The following FNBP4 variants were observed in gnomAD, a reference collection of about 807,000 sequenced individuals.
The protein encoded by FNBP4 is formin binding protein 4, also known as formin-binding protein 4.
In FNBP4, 34 loss-of-function variants were observed where a neutral mutation model predicts 119.3. The observed-to-expected ratio is 0.28, with a 90% CI of 0.22 to 0.38. FNBP4 has a LOEUF of 0.38. FNBP4 is among the 10% of genes least tolerant of loss of function. FNBP4 has a pLI of 1.00. For missense variants in FNBP4, 1,112 were observed against 1,228.9 expected, an observed-to-expected ratio of 0.90 and a Z score of 1.42; for synonymous variants, 462 against 430.6, an observed-to-expected ratio of 1.07 and a Z score of -0.90.
intron 3 of FNBP4, 137 bp downstream of exon 3, chr11:47,754,391 G>C: frequency 1.2e-6 from 1 of 824,318 alleles, no homozygotes; most frequent in Non-Finnish European, 1.9e-6. Flanking sequence ...TAGAGATCGG[G>C]AGAAATACAA....
chr11:47,759,163 G>A (rs762478691), intron 2 of FNBP4, among the ~76,000 whole-genome samples: 7 of 150,868 alleles, frequency 4.6e-5, no homozygotes, highest in Non-Finnish European at 8.8e-5. Flanking sequence ...CAAGTGATCT[G>A]CCCTTTTTGG....
chr11:47,736,980 A>C (rs10838754), intron 8 of FNBP4, among the ~76,000 whole-genome samples: 52,672 of 151,742 alleles, frequency 0.35, 10,531 homozygotes, highest in South Asian at 0.52. Flanking sequence ...TGGAGGTGAA[A>C]AGATCACGAG....
At chr11:47,759,422 C>T (rs886253078) in intron 2 of FNBP4, among the ~76,000 whole-genome samples, 6 of 151,694 alleles carry the variant, frequency 4.0e-5, no homozygotes, top group African/African-American at 1.5e-4. Context: ...CCATGTTGGC[C>T]AGGCTGCTCT....
Position 47,723,168 on chromosome 11 carries a change from A to C in FNBP4, c.2613T>G (p.Ile871Met). 6.2e-7 allele frequency: 1 copy of C among 1,614,008 alleles called. No individual in the cohort carries two copies. The highest frequency in any genetic ancestry group is 1.1e-5 in the South Asian group (1 of 91,076). ...NYLGLAAAPA[I>M]MSYAECSVPI... ...GGACAGAACATTCTGCATAACTCAT[A>C]ATTGCAGGTGCTGCCGCTAGTCCAA... The change falls in exon 15 of 17, where the codon ATT becomes ATG. Residue 871 changes from isoleucine (I) to methionine (M), a missense_variant. Physicochemically the swap from Ile to Met is conservative, Grantham distance 10. This residue lies in a region of FNBP4 where 826 missense variants were observed against 988.8 expected (regional missense o/e 0.84). Coordinates refer to ENST00000263773, the MANE Select transcript of FNBP4 (RefSeq NM_015308.5).
At chr11:47,733,976 A>C (rs759285590) in intron 10 of FNBP4, 49 bp downstream of exon 10, 1 of 954,688 alleles carries the variant, frequency 1.0e-6, no homozygotes, top group Non-Finnish European at 1.5e-6. Context: ...ACAGCATTTC[A>C]TTCAAACACT....
Position 47,767,338 on chromosome 11 carries a change from C to G in FNBP4, c.-50G>C. ...GCGTCGGGCGGCCGAGAGGGGCGGG[C>G]ACTGGAGGCTGGGCGCTGGGCCCTG... is the stretch of plus-strand genomic sequence containing the variant. On this transcript the variant is annotated 5_prime_UTR_variant, in exon 1 of 17. Transcript: ENST00000263773. The G allele has an allele frequency of 3.5e-6, 5 of 1,420,866 alleles. No individual in the cohort carries two copies. The South Asian group carries it at 7.3e-5, about 21-fold the overall frequency. The allele number at this position is 1,420,866 out of a possible 1,614,324, so 88.0% of individuals were successfully genotyped here. A position where few individuals can be genotyped will look rare whatever the true frequency, so the allele number is the denominator to read the frequency against.
chr11:47,732,558 C>T lies in FNBP4; in HGVS notation c.1799G>A (p.Gly600Asp), dbSNP rs532140997. ...GTACCTGTCCCAGTGGCAGGACCAG[C>T]CTTTAGGAGTGGCGTTTATTTCATA... ...KQYEINATPK[G>D]WSCHWDRDHR... The change falls in exon 11 of 17, where the codon GGC (glycine) becomes GAC (aspartate). Residue 600 changes from glycine (G) to aspartate (D), a missense_variant. Gly to Asp is a moderately conservative substitution (Grantham distance 94). Transcript: ENST00000263773. The surrounding 1 kb of genome is among the most constrained non-coding windows in gnomAD (Gnocchi z 4.2). The T allele has an allele frequency of 3.7e-6, 6 of 1,614,134 alleles. No individual in the cohort carries two copies. In the African/African-American group the frequency reaches 8.0e-5, roughly 22 times the overall value.
chr11:47,751,188 T>C lies in FNBP4; in HGVS notation c.740A>G (p.Gln247Arg). Residue 247 changes from glutamine (Q) to arginine (R), a missense_variant, in exon 5 of 17, where the codon CAA becomes CGA. Physicochemically the swap from Gln to Arg is conservative, Grantham distance 43. Transcript: ENST00000263773. ...QTNEVTWELPQYLATQVQGLQ... is the reference protein window; with the variant it reads ...QTNEVTWELPRYLATQVQGLQ... ...TCCCTGTACCTGTGTGGCAAGATAT[T>C]GGGGTAACTCCCAAGTCACTTCATT... The C allele has an allele frequency of 6.2e-7, 1 of 1,614,190 alleles. No homozygotes were observed. The highest frequency in any genetic ancestry group is 8.5e-7 in the Non-Finnish European group (1 of 1,180,038).
At position 47,765,315 on chromosome 11, in the gene FNBP4, G is replaced by A; in HGVS notation, c.268C>T (p.Pro90Ser). The A allele has an allele frequency of 6.2e-7, 1 of 1,611,816 alleles. No individual in the cohort carries two copies. Among genetic ancestry groups the A allele is most frequent in the Non-Finnish European group, 8.5e-7 (1 of 1,179,476 alleles). The stretch of plus-strand genomic sequence containing the variant: ...GGTCTAGTGGTCATGACTGGTTTTG[G>A]AGGATTCTGAACAACTCTAGGAACC... ...QEVPRVVQNP[P>S]KPVMTTRPTA... Residue 90 changes from proline (P) to serine (S), a missense_variant, in exon 2 of 17, where the codon CCA (proline) becomes TCA (serine). Coordinates refer to ENST00000263773, the MANE Select transcript of FNBP4 (RefSeq NM_015308.5).
At chr11:47,765,883 C>G (rs745578023) in intron 1 of FNBP4, among the ~76,000 whole-genome samples, 1 of 69,832 alleles carries the variant, frequency 1.4e-5, no homozygotes, top group Non-Finnish European at 2.7e-5. Context: ...GACGGAGTTT[C>G]GCTCTTGTCG....
chr11:47,765,177 A>G, intron 2 of FNBP4, 93 bp downstream of exon 2: 1 of 782,616 alleles, frequency 1.3e-6, no homozygotes, highest in Non-Finnish European at 2.2e-6. Flanking sequence ...TAGCAACACT[A>G]AAGCATTCAG....
chr11:47,739,234 A>G (rs1387245892), intron 8 of FNBP4, among the ~76,000 whole-genome samples: 2 of 151,844 alleles, frequency 1.3e-5, no homozygotes, highest in Non-Finnish European at 2.9e-5. Context: ...CCGGCCTAAA[A>G]CTTTTTATTA....
Position 47,731,526 on chromosome 11 carries a change from G to A in FNBP4, c.1856C>T (p.Ser619Leu), listed in dbSNP as rs768346504. Residue 619 changes from serine to leucine, a missense_variant, in exon 12 of 17, where the codon TCG becomes TTG. This residue lies in a region of FNBP4 where 826 missense variants were observed against 988.8 expected (regional missense o/e 0.84). Coordinates refer to ENST00000263773, the MANE Select transcript of FNBP4 (RefSeq NM_015308.5). ...HRRYFYVNEQ[S>L]GESQWEFPDG... Reference sequence around the variant, plus strand: ...TGGAAACTCCCACTGAGACTCGCCCGACTGTTCGTTTACATAGAAATACCG... The same window carrying A: ...TGGAAACTCCCACTGAGACTCGCCCAACTGTTCGTTTACATAGAAATACCG... The A allele has an allele frequency of 1.2e-6, 2 of 1,612,024 alleles. No individual in the cohort carries two copies. Among genetic ancestry groups the A allele is most frequent in the Non-Finnish European group, 1.7e-6 (2 of 1,179,448 alleles).
chr11:47,722,029 A>G (rs1296601534), intron 15 of FNBP4, among the ~76,000 whole-genome samples: 9 of 56,412 alleles, frequency 1.6e-4, no homozygotes, highest in African/African-American at 1.1e-3. Flanking sequence ...AAAAAAAAAA[A>G]AAAAAAAAAA....
Position 47,723,284 on chromosome 11 carries a change from T to G in FNBP4, c.2497A>C (p.Thr833Pro), listed in dbSNP as rs374125956. 6.2e-7 allele frequency: 1 copy of G among 1,612,210 alleles called. No homozygotes were observed. The highest frequency in any genetic ancestry group is 8.5e-7 in the Non-Finnish European group (1 of 1,178,476). Residue 833 changes from threonine to proline, a missense_variant, in exon 15 of 17, where the codon ACA (threonine) becomes CCA (proline). Physicochemically the swap from Thr to Pro is conservative, Grantham distance 38. Transcript: ENST00000263773. ...HQAAGIGNQA[T>P]GIGHQTIPVS... ...GGTATTGTCTGATGTCCAATTCCTG[T>G]TGCCTGGTTTCCAATCCCTGCTGCC...
At position 47,741,963 on chromosome 11, in the gene FNBP4, A is replaced by G. The variant is rs370049397; in HGVS notation, c.1456+1990T>C. Among the ~76,000 whole-genome samples the G allele has an allele frequency of 2.7e-4, 40 of 150,602 alleles. No homozygotes were observed. In the East Asian group the frequency reaches 4.3e-3, roughly 16 times the overall value. ...GGACACAATTTAAATGTCCATCAACAGTGGGCAGAGTTAAATACGCACATC... is the reference window on the plus strand; with the variant it reads ...GGACACAATTTAAATGTCCATCAACGGTGGGCAGAGTTAAATACGCACATC... On this transcript the variant is annotated intron_variant, in intron 8 of 16. Coordinates refer to ENST00000263773, the MANE Select transcript of FNBP4 (RefSeq NM_015308.5).
At chr11:47,746,717 T>C (rs966797694) in intron 6 of FNBP4, among the ~76,000 whole-genome samples, 3 of 152,088 alleles carry the variant, frequency 2.0e-5, no homozygotes, top group African/African-American at 7.2e-5. Flanking sequence ...TTCACCACGT[T>C]GGCCAGGCTG....
At chr11:47,738,113 G>A (rs1480298227) in intron 8 of FNBP4, among the ~76,000 whole-genome samples, 5 of 152,094 alleles carry the variant, frequency 3.3e-5, no homozygotes, top group Non-Finnish European at 7.4e-5. Context: ...CATCTATATT[G>A]AATCCACCTA....
chr11:47,737,541 C>T (rs1156585358), intron 8 of FNBP4, among the ~76,000 whole-genome samples: 5 of 151,208 alleles, frequency 3.3e-5, no homozygotes, highest in East Asian at 3.9e-4. Context: ...CTAGGCTCAA[C>T]GGATCCTCCC....
Sources: allele counts gnomAD v4.1 joint callset (sites outside exome capture counted in the v4.1 genomes callset), GRCh38; gene constraint gnomAD v4.1.1; regional missense constraint gnomAD v4.1.1; non-coding constraint Gnocchi (gnomAD v3.1); transcripts MANE v1.5; gene names NCBI Gene and HGNC (gene_info 2026-07-23, HGNC 2026-07-21).